Variants in NLGN1 observed in about 807,000 individuals in gnomAD.
NLGN1 encodes neuroligin 1, also known as neuroligin-1.
A neutral mutation model predicts 65.5 loss-of-function variants in NLGN1; 12 were observed. The observed-to-expected ratio is 0.18, with a 90% CI of 0.12 to 0.30. NLGN1 has a LOEUF of 0.30. NLGN1 is among the 10% of genes least tolerant of loss of function. NLGN1 has a pLI of 1.00. For synonymous variants in NLGN1, 350 were observed against 359.5 expected (o/e 0.97, Z 0.30); for missense variants, 750 against 1,007.1 (o/e 0.74, Z 3.46).
intron 4 of NLGN1, among the ~76,000 whole-genome samples, chr3:174,223,693 A>C (rs970690161): frequency 6.6e-6 from 1 of 152,186 alleles, no homozygotes; most frequent in Admixed American, 6.5e-5. Flanking sequence ...CCTTTTTAAT[A>C]AATGTTTTTC....
intron 3 of NLGN1, among the ~76,000 whole-genome samples, chr3:173,665,119 A>C (rs1266155609): frequency 6.6e-6 from 1 of 152,130 alleles, no homozygotes; most frequent in Non-Finnish European, 1.5e-5. Flanking sequence ...TGTGTCCCCA[A>C]CCAAAATCTC....
At chr3:173,700,254 T>G (rs1291865329) in intron 3 of NLGN1, among the ~76,000 whole-genome samples, 1 of 152,242 alleles carries the variant, frequency 6.6e-6, no homozygotes, top group Non-Finnish European at 1.5e-5. Context: ...TCTTACTTTT[T>G]ATACCATTCT....
chr3:173,452,815 T>C (rs141451333), intron 2 of NLGN1, among the ~76,000 whole-genome samples: 166 of 152,288 alleles, frequency 1.1e-3, no homozygotes, highest in African/African-American at 3.8e-3. Context: ...CACAATAAAG[T>C]GAATAACACA....
At chr3:173,558,332 T>C (rs1742063422) in intron 2 of NLGN1, among the ~76,000 whole-genome samples, 1 of 152,108 alleles carries the variant, frequency 6.6e-6, no homozygotes, top group Non-Finnish European at 1.5e-5. Context: ...GTTTGTTGAC[T>C]TTCTTATGTC....
At chr3:173,911,304 A>G (rs922084454) in intron 4 of NLGN1, among the ~76,000 whole-genome samples, 1 of 152,220 alleles carries the variant, frequency 6.6e-6, no homozygotes, top group African/African-American at 2.4e-5. Flanking sequence ...ATATGTAAGT[A>G]TCTAAGAGGT....
chr3:173,927,207 G>T lies in NLGN1; in HGVS notation c.646+119375G>T, dbSNP rs535068902. 2.6e-5 allele frequency among the ~76,000 whole-genome samples: 4 copies of T among 152,104 alleles called. No individual in the cohort carries two copies. In the South Asian group the frequency reaches 6.2e-4, roughly 24 times the overall value. On this transcript the variant is annotated intron_variant, in intron 4 of 6. Coordinates refer to ENST00000457714, the Ensembl canonical transcript of NLGN1. Reference sequence around the variant, plus strand: ...GCCTCCTGAGTAGCTGGGATTACAGGTGCATGTCTCCACGCCTGGCTAATT... The same window carrying T: ...GCCTCCTGAGTAGCTGGGATTACAGTTGCATGTCTCCACGCCTGGCTAATT...
At chr3:173,674,479 C>G (rs953469175) in intron 3 of NLGN1, among the ~76,000 whole-genome samples, 1 of 151,918 alleles carries the variant, frequency 6.6e-6, no homozygotes, top group Non-Finnish European at 1.5e-5. Context: ...AATTTGTGCC[C>G]TTGATCAGTA....
At chr3:173,974,083 G>A (rs1042317292) in intron 4 of NLGN1, among the ~76,000 whole-genome samples, 3 of 151,870 alleles carry the variant, frequency 2.0e-5, no homozygotes, top group Admixed American at 6.6e-5. Flanking sequence ...AATCTACAAC[G>A]TAGCCTCAGG....
intron 4 of NLGN1, among the ~76,000 whole-genome samples, chr3:174,078,212 A>G (rs1346502448): frequency 6.6e-6 from 1 of 152,178 alleles, no homozygotes; most frequent in Non-Finnish European, 1.5e-5. Context: ...AATGTATAGC[A>G]TGTAATTCTG....
chr3:173,493,165 C>A (rs368148860), intron 2 of NLGN1, among the ~76,000 whole-genome samples: 1 of 151,636 alleles, frequency 6.6e-6, no homozygotes. Context: ...ATTTTACAAA[C>A]GAAGAAATTG....
intron 4 of NLGN1, among the ~76,000 whole-genome samples, chr3:174,070,078 G>A (rs1175138401): frequency 2.0e-5 from 3 of 152,130 alleles, no homozygotes; most frequent in South Asian, 4.1e-4. Flanking sequence ...TTATGGTGAC[G>A]ATGTTATAAA....
intron 3 of NLGN1, among the ~76,000 whole-genome samples, chr3:173,651,078 G>T (rs1759097705): frequency 6.6e-6 from 1 of 151,652 alleles, no homozygotes; most frequent in South Asian, 2.1e-4. Context: ...TCCCTCACCT[G>T]TCTCCCACCC....
intron 1 of NLGN1, among the ~76,000 whole-genome samples, chr3:173,416,820 ATAGT>A (rs1163713623): frequency 6.6e-6 from 1 of 152,166 alleles, no homozygotes; most frequent in East Asian, 1.9e-4. Context: ...TTTAATATAT[ATAGT>A]TAAAGTGAGT....
At chr3:173,627,017 C>A (rs1754925450) in intron 3 of NLGN1, among the ~76,000 whole-genome samples, 1 of 152,054 alleles carries the variant, frequency 6.6e-6, no homozygotes, top group African/African-American at 2.4e-5. Context: ...AAAACATTTT[C>A]ATAAGACTGG....
At chr3:174,109,477 T>A (rs1714712506) in intron 4 of NLGN1, among the ~76,000 whole-genome samples, 1 of 152,026 alleles carries the variant, frequency 6.6e-6, no homozygotes, top group African/African-American at 2.4e-5. Flanking sequence ...TCCCTCCTCA[T>A]GTTTGACCAT....
At position 173,419,196 on chromosome 3, in the gene NLGN1, G is replaced by A. The variant is rs1286744944; in HGVS notation, c.-389-15814G>A. On this transcript the variant is annotated intron_variant, in intron 1 of 6. Coordinates refer to ENST00000457714, the Ensembl canonical transcript of NLGN1. ...GGCTTCTGGCTGATTTCAATCAGGA[G>A]CGCTTTCTCTTACAGACAAAGTACA... 2.6e-5 allele frequency among the ~76,000 whole-genome samples: 4 copies of A among 151,044 alleles called. No individual in the cohort carries two copies. The East Asian group carries it at 5.8e-4, about 22-fold the overall frequency.
chr3:173,886,990 C>T (rs1053369387), intron 4 of NLGN1, among the ~76,000 whole-genome samples: 4 of 152,020 alleles, frequency 2.6e-5, no homozygotes, highest in African/African-American at 7.2e-5. Flanking sequence ...AATATCTCTA[C>T]ACTTCTTTGT....
At chr3:174,215,861 T>C (rs1040196660) in intron 4 of NLGN1, among the ~76,000 whole-genome samples, 14 of 152,166 alleles carry the variant, frequency 9.2e-5, no homozygotes, top group Middle Eastern at 3.2e-3. Flanking sequence ...GATTTTATCT[T>C]TTCTACTGCA....
chr3:173,989,017 G>C (rs112368917), intron 4 of NLGN1, among the ~76,000 whole-genome samples: 5,491 of 152,220 alleles, frequency 0.036, 141 homozygotes, highest in Admixed American at 0.086. Flanking sequence ...AGCAGATTGA[G>C]AATAATTTTG....
Sources: allele counts gnomAD v4.1 joint callset (sites outside exome capture counted in the v4.1 genomes callset), GRCh38; gene constraint gnomAD v4.1.1; transcripts MANE v1.5; gene names NCBI Gene and HGNC (gene_info 2026-07-23, HGNC 2026-07-21).